RBFOX1: variants seen among roughly 807,000 people sequenced by gnomAD.
The protein encoded by RBFOX1 is RNA binding protein fox-1 homolog 1.
A neutral mutation model predicts 57.7 loss-of-function variants in RBFOX1; 8 were observed. That is an observed-to-expected ratio of 0.14 (90% CI 0.08 to 0.25). The LOEUF (loss-of-function observed/expected upper bound fraction) is 0.25, where lower values mean the gene tolerates loss of function less well. Ranked by LOEUF, RBFOX1 falls within the 10% of genes least tolerant of loss-of-function variation. RBFOX1 has a pLI of 1.00. For synonymous variants in RBFOX1, 326 were observed against 222.4 expected (o/e 1.47, Z -4.15); for missense variants, 611 against 548.5 (o/e 1.11, Z -1.14).
At chr16:7,036,730 C>G (rs570001397) in intron 3 of RBFOX1, among the ~76,000 whole-genome samples, 8 of 132,144 alleles carry the variant, frequency 6.1e-5, no homozygotes, top group Admixed American at 5.1e-4. Context: ...AAAAAACAAA[C>G]AAAGAAAAAA....
intron 3 of RBFOX1, among the ~76,000 whole-genome samples, chr16:6,666,941 G>C (rs1200266142): frequency 2.0e-5 from 3 of 152,158 alleles, no homozygotes; most frequent in Non-Finnish European, 4.4e-5. Context: ...TCACTTGCCA[G>C]CACAGCTGAC....
intron 5 of RBFOX1, among the ~76,000 whole-genome samples, chr16:7,570,519 C>T (rs2092665500): frequency 6.6e-6 from 1 of 152,148 alleles, no homozygotes; most frequent in East Asian, 1.9e-4. Context: ...CCACAGACAA[C>T]CCTGAGATAG....
chr16:5,546,374 G>A (rs1465383262), intron 2 of RBFOX1, among the ~76,000 whole-genome samples: 1 of 152,148 alleles, frequency 6.6e-6, no homozygotes, highest in Non-Finnish European at 1.5e-5. Flanking sequence ...AAACAGCTTT[G>A]AAGAAGAACA....
At chr16:7,309,790 ACT>A (rs2096269464) in intron 4 of RBFOX1, among the ~76,000 whole-genome samples, 2 of 152,222 alleles carry the variant, frequency 1.3e-5, no homozygotes, top group East Asian at 3.9e-4. Context: ...CAGGTTGCTG[ACT>A]CTGTGCCTAA....
At chr16:7,417,907 T>C (rs532866208) in intron 4 of RBFOX1, among the ~76,000 whole-genome samples, 4 of 152,266 alleles carry the variant, frequency 2.6e-5, no homozygotes, top group African/African-American at 9.6e-5. Context: ...TGCAGATGTA[T>C]TGGGTTGAGA....
chr16:6,996,891 A>C (rs1193220823), intron 3 of RBFOX1, among the ~76,000 whole-genome samples: 1 of 152,190 alleles, frequency 6.6e-6, no homozygotes, highest in Non-Finnish European at 1.5e-5. Flanking sequence ...TCACAGAGTT[A>C]GAAGCTGATG....
At chr16:6,392,860 G>A (rs1371503646) in intron 2 of RBFOX1, among the ~76,000 whole-genome samples, 8 of 152,162 alleles carry the variant, frequency 5.3e-5, no homozygotes, top group East Asian at 1.9e-4. Context: ...GAAGTTCCAC[G>A]TCATGGGCCA....
chr16:5,834,687 G>GTAGGTAGATAGATAGA (rs1555541440), intron 3 of RBFOX1, among the ~76,000 whole-genome samples: 100 of 134,818 alleles, frequency 7.4e-4, no homozygotes, highest in East Asian at 5.3e-3. Flanking sequence ...AATGGGATAG[G>GTAGGTAGATAGATAGA]TAGATAGATA....
At chr16:6,053,074 G>A (rs144158053) in intron 1 of RBFOX1, among the ~76,000 whole-genome samples, 6 of 152,158 alleles carry the variant, frequency 3.9e-5, no homozygotes, top group African/African-American at 1.4e-4. Context: ...AGTTTTTCAG[G>A]GGAAGGGTCT....
intron 3 of RBFOX1, among the ~76,000 whole-genome samples, chr16:6,829,922 T>A (rs7404452): frequency 6.6e-6 from 1 of 151,526 alleles, no homozygotes; most frequent in Non-Finnish European, 1.5e-5. Context: ...ATTTTATTTT[T>A]TTTATTTTTT....
At chr16:5,906,281 T>C (rs1192369734) in intron 4 of RBFOX1, among the ~76,000 whole-genome samples, 1 of 152,148 alleles carries the variant, frequency 6.6e-6, no homozygotes, top group African/African-American at 2.4e-5. Context: ...AAATGAAGTA[T>C]GACTGGTTTC....
At chr16:6,476,698 G>C (rs2095278185) in intron 2 of RBFOX1, among the ~76,000 whole-genome samples, 1 of 152,014 alleles carries the variant, frequency 6.6e-6, no homozygotes, top group Non-Finnish European at 1.5e-5. Flanking sequence ...GGGTGACTGT[G>C]GCAATCTCTT....
intron 1 of RBFOX1, among the ~76,000 whole-genome samples, chr16:6,137,934 A>G (rs1053352275): frequency 6.6e-6 from 1 of 152,060 alleles, no homozygotes; most frequent in Non-Finnish European, 1.5e-5. Flanking sequence ...AGGTACAAAC[A>G]GTTATCTCCA....
intron 3 of RBFOX1, among the ~76,000 whole-genome samples, chr16:6,899,433 A>G (rs747661227): frequency 6.6e-6 from 1 of 152,168 alleles, no homozygotes; most frequent in African/African-American, 2.4e-5. Flanking sequence ...CAATTTTTAC[A>G]TTTTTAGTTG....
intron 14 of RBFOX1, among the ~76,000 whole-genome samples, chr16:7,681,330 A>C (rs1229023484): frequency 3.9e-5 from 6 of 152,134 alleles, no homozygotes; most frequent in Admixed American, 3.9e-4. Context: ...TCTGCCCTCT[A>C]ATATTTCATC....
At chr16:6,535,739 C>G (rs1450425845) in intron 2 of RBFOX1, among the ~76,000 whole-genome samples, 2 of 152,182 alleles carry the variant, frequency 1.3e-5, no homozygotes, top group African/African-American at 4.8e-5. Context: ...AAGGAAGCCT[C>G]TTTCATCTTT....
intron 4 of RBFOX1, among the ~76,000 whole-genome samples, chr16:7,210,091 C>A (rs916379633): frequency 6.6e-6 from 1 of 152,148 alleles, no homozygotes; most frequent in Admixed American, 6.5e-5. Context: ...TGCATCTTTG[C>A]AGTGTGTGCA....
intron 3 of RBFOX1, among the ~76,000 whole-genome samples, chr16:5,804,532 C>T (rs956101159): frequency 5.3e-5 from 8 of 152,126 alleles, no homozygotes; most frequent in South Asian, 2.1e-4. Flanking sequence ...ACAAATGAAA[C>T]GTTGAGTGCT....
chr16:5,442,188 TAGA>T (rs1425428187), intron 1 of RBFOX1, among the ~76,000 whole-genome samples: 1 of 152,106 alleles, frequency 6.6e-6, no homozygotes, highest in Non-Finnish European at 1.5e-5. Flanking sequence ...GACTGGAAAG[TAGA>T]AGATGATTTA....
Sources: gnomAD v4.1 joint callset for allele counts (sites outside exome capture counted in the v4.1 genomes callset) on GRCh38, gnomAD v4.1.1 for gene constraint, MANE v1.5 for transcripts, NCBI Gene and HGNC (gene_info 2026-07-23, HGNC 2026-07-21) for gene names.